The following CTNND2 variants were observed in gnomAD, a reference collection of about 807,000 sequenced individuals.
The protein encoded by CTNND2 is catenin delta-2.
In CTNND2, 22 loss-of-function variants were observed where a neutral mutation model predicts 144.4. The ratio of observed to expected loss-of-function variants is 0.15; its 90% CI spans 0.11 to 0.22. The LOEUF is 0.22. CTNND2 is among the 10% of genes least tolerant of loss of function. CTNND2 has a pLI of 1.00. For synonymous variants in CTNND2, 751 were observed against 695.6 expected (o/e 1.08, Z -1.25); for missense variants, 1,353 against 1,618.8 (o/e 0.84, Z 2.82).
chr5:11,239,980 C>T (rs962959419), intron 9 of CTNND2, among the ~76,000 whole-genome samples: 68 of 152,156 alleles, frequency 4.5e-4, no homozygotes, highest in African/African-American at 1.6e-3. Flanking sequence ...AGATGGACTC[C>T]ACATAAACGT....
intron 3 of CTNND2, among the ~76,000 whole-genome samples, chr5:11,507,315 C>T (rs1771150785): frequency 6.6e-6 from 1 of 152,100 alleles, no homozygotes; most frequent in African/African-American, 2.4e-5. Context: ...GAGAACAGGC[C>T]AAATGGAAAA....
At chr5:11,442,041 T>G (rs1171679151) in intron 3 of CTNND2, among the ~76,000 whole-genome samples, 2 of 152,146 alleles carry the variant, frequency 1.3e-5, no homozygotes, top group African/African-American at 4.8e-5. Flanking sequence ...TTCCTAACAC[T>G]TTTTAAAAAA....
intron 3 of CTNND2, among the ~76,000 whole-genome samples, chr5:11,430,725 T>C (rs755576153): frequency 6.6e-6 from 1 of 152,228 alleles, no homozygotes; most frequent in Non-Finnish European, 1.5e-5. Flanking sequence ...ACCACCAACA[T>C]TATTCCTTTT....
rs182793780 is a variant in CTNND2 at position 11,623,548 on chromosome 5, T to A, written c.175-58492A>T. On this transcript the variant is annotated intron_variant, in intron 2 of 21. Transcript: ENST00000304623. ...TCTTTATAAATTACCCAGTCTTGGG[T>A]TTGCCTTTATCAGCAGTGTGAAAAT... is the stretch of plus-strand genomic sequence containing the variant. Among the ~76,000 whole-genome samples the A allele has an allele frequency of 1.5e-3, 226 of 151,810 alleles. 2 individuals are homozygous for A. The highest frequency in any genetic ancestry group is 5.2e-3 in the African/African-American group (217 of 41,424).
intron 2 of CTNND2, among the ~76,000 whole-genome samples, chr5:11,676,363 C>T (rs1486732865): frequency 6.6e-6 from 1 of 151,954 alleles, no homozygotes; most frequent in African/African-American, 2.4e-5. Flanking sequence ...GTGATTTACA[C>T]GTATCATATA....
intron 3 of CTNND2, among the ~76,000 whole-genome samples, chr5:11,424,226 C>T (rs913247365): frequency 1.3e-5 from 2 of 152,146 alleles, no homozygotes; most frequent in African/African-American, 4.8e-5. Context: ...CATGCAACAA[C>T]TCTCAAGGGA....
intron 10 of CTNND2, among the ~76,000 whole-genome samples, chr5:11,219,878 C>T (rs1415409638): frequency 6.6e-6 from 1 of 152,086 alleles, no homozygotes; most frequent in Non-Finnish European, 1.5e-5. Flanking sequence ...TTCTGTGGTC[C>T]AATTTCAGTA....
At chr5:11,709,936 T>C (rs1470614931) in intron 2 of CTNND2, among the ~76,000 whole-genome samples, 1 of 152,022 alleles carries the variant, frequency 6.6e-6, no homozygotes, top group South Asian at 2.1e-4. Context: ...AATGTAAGAG[T>C]TATTTAGAAA....
intron 2 of CTNND2, among the ~76,000 whole-genome samples, chr5:11,692,840 G>A (rs1010379172): frequency 6.6e-6 from 1 of 152,220 alleles, no homozygotes; most frequent in Non-Finnish European, 1.5e-5. Flanking sequence ...GATCTCAAGT[G>A]ATCTGCCGGC....
intron 1 of CTNND2, among the ~76,000 whole-genome samples, chr5:11,791,426 T>C (rs2126869064): frequency 6.6e-6 from 1 of 152,240 alleles, no homozygotes; most frequent in East Asian, 1.9e-4. Context: ...AGCAAGAACA[T>C]GTTCTCAAGT....
chr5:11,034,498 T>C (rs1420265519), intron 16 of CTNND2, among the ~76,000 whole-genome samples: 3 of 152,228 alleles, frequency 2.0e-5, no homozygotes, highest in South Asian at 2.1e-4. Flanking sequence ...CACACACATA[T>C]ATGCGCTTCA....
intron 1 of CTNND2, among the ~76,000 whole-genome samples, chr5:11,878,050 T>C (rs1359871025): frequency 6.6e-6 from 1 of 152,138 alleles, no homozygotes; most frequent in Non-Finnish European, 1.5e-5. Flanking sequence ...ACTCAAGCTT[T>C]CTTCTTTTGA....
intron 1 of CTNND2, among the ~76,000 whole-genome samples, chr5:11,871,510 A>G (rs1417154692): frequency 6.6e-6 from 1 of 152,240 alleles, no homozygotes; most frequent in Non-Finnish European, 1.5e-5. Flanking sequence ...ATCATATTAG[A>G]GGCAGCCTAT....
At chr5:11,753,326 T>G (rs1788729134) in intron 1 of CTNND2, among the ~76,000 whole-genome samples, 1 of 151,912 alleles carries the variant, frequency 6.6e-6, no homozygotes, top group Admixed American at 6.6e-5. Context: ...TAGATGGCTC[T>G]TATTATTTTG....
chr5:11,865,180 C>T (rs1795703947), intron 1 of CTNND2, among the ~76,000 whole-genome samples: 1 of 152,160 alleles, frequency 6.6e-6, no homozygotes, highest in African/African-American at 2.4e-5. Context: ...CAGGCATGAG[C>T]CACCGTGCCA....
At chr5:11,065,991 A>T (rs528873258) in intron 16 of CTNND2, among the ~76,000 whole-genome samples, 1 of 152,052 alleles carries the variant, frequency 6.6e-6, no homozygotes, top group Non-Finnish European at 1.5e-5. Flanking sequence ...ATTGTCTCTA[A>T]GGGCAGCCAT....
chr5:11,802,030 T>C (rs1791710788), intron 1 of CTNND2, among the ~76,000 whole-genome samples: 2 of 152,002 alleles, frequency 1.3e-5, no homozygotes, highest in African/African-American at 4.8e-5. Flanking sequence ...CCCAGCACTT[T>C]AGGAGGCCAA....
chr5:11,899,282 A>G (rs1737666810), intron 1 of CTNND2, among the ~76,000 whole-genome samples: 1 of 152,198 alleles, frequency 6.6e-6, no homozygotes, highest in Non-Finnish European at 1.5e-5. Context: ...TAAACTGTCT[A>G]TGATAGTCTT....
chr5:11,842,184 T>G (rs939881591), intron 1 of CTNND2, among the ~76,000 whole-genome samples: 3 of 151,740 alleles, frequency 2.0e-5, no homozygotes, highest in African/African-American at 7.3e-5. Flanking sequence ...TTCTCTGAAA[T>G]GAAGGATGGT....
Sources: allele counts gnomAD v4.1 joint callset (sites outside exome capture counted in the v4.1 genomes callset), GRCh38; gene constraint gnomAD v4.1.1; transcripts MANE v1.5; gene names NCBI Gene and HGNC (gene_info 2026-07-23, HGNC 2026-07-21).